MSRB3: variants seen among roughly 807,000 people sequenced by gnomAD.
The protein encoded by MSRB3 is methionine-R-sulfoxide reductase B3.
A neutral mutation model predicts 21.0 loss-of-function variants in MSRB3; 13 were observed. The ratio of observed to expected loss-of-function variants is 0.62; its 90% CI spans 0.40 to 0.98. MSRB3 has a LOEUF of 0.98. Ranked by LOEUF, MSRB3 falls within the 50% of genes least tolerant of loss-of-function variation. MSRB3 has a pLI of 0.00. For missense variants in MSRB3, 199 were observed against 230.3 expected (o/e 0.86, Z 0.88); for synonymous variants, 87 against 88.6 (o/e 0.98, Z 0.10).
chr12:65,279,043 G>A, intron 1 of MSRB3, 178 bp downstream of exon 1: 1 of 1,427,578 alleles, frequency 7.0e-7, no homozygotes, highest in Non-Finnish European at 9.1e-7. Flanking sequence ...TGCGCCCCGC[G>A]CCAGCGGTGA....
At chr12:65,377,461 G>A (rs546103155) in intron 5 of MSRB3, among the ~76,000 whole-genome samples, 12 of 151,914 alleles carry the variant, frequency 7.9e-5, no homozygotes, top group African/African-American at 2.9e-4. Flanking sequence ...AACCATGCCT[G>A]GCTAATTTTT....
intron 4 of MSRB3, among the ~76,000 whole-genome samples, chr12:65,334,614 T>C (rs982759007): frequency 6.6e-6 from 1 of 152,088 alleles, no homozygotes; most frequent in Non-Finnish European, 1.5e-5. Context: ...AGTTGAAAAG[T>C]GTCTCAATGT....
At chr12:65,407,608 A>G (rs1880484453) in intron 5 of MSRB3, among the ~76,000 whole-genome samples, 1 of 151,986 alleles carries the variant, frequency 6.6e-6, no homozygotes, top group African/African-American at 2.4e-5. Context: ...TAATTTTGGA[A>G]AATCCTCAGC....
chr12:65,441,013 T>C (rs1031449290), intron 5 of MSRB3, among the ~76,000 whole-genome samples: 4 of 151,916 alleles, frequency 2.6e-5, no homozygotes, highest in African/African-American at 9.7e-5. Context: ...GATTATATTA[T>C]GGGTATGCTT....
At chr12:65,456,695 A>G (rs371798996) in intron 6 of MSRB3, among the ~76,000 whole-genome samples, 1 of 152,248 alleles carries the variant, frequency 6.6e-6, no homozygotes, top group African/African-American at 2.4e-5. Flanking sequence ...TCTTTCTTAA[A>G]TAGAACTCTT....
chr12:65,448,083 T>G (rs1320585252), intron 5 of MSRB3, among the ~76,000 whole-genome samples: 1 of 152,168 alleles, frequency 6.6e-6, no homozygotes, highest in South Asian at 2.1e-4. Context: ...TTTTCAGCTC[T>G]TAGAATCTAT....
intron 5 of MSRB3, among the ~76,000 whole-genome samples, chr12:65,438,652 G>A (rs181102899): frequency 4.6e-5 from 7 of 152,012 alleles, no homozygotes; most frequent in African/African-American, 9.6e-5. Context: ...AGGAGAGGAA[G>A]GCAGAGTGGA....
At chr12:65,381,941 A>G (rs1878959988) in intron 5 of MSRB3, among the ~76,000 whole-genome samples, 1 of 152,056 alleles carries the variant, frequency 6.6e-6, no homozygotes, top group Non-Finnish European at 1.5e-5. Context: ...TAATTGATAT[A>G]TATTTAAGAT....
chr12:65,308,555 T>C lies in MSRB3; in HGVS notation c.-25T>C, dbSNP rs1452986676. On this transcript the variant is annotated 5_prime_UTR_variant, in exon 2 of 7. Transcript: ENST00000308259. ...TCTTGCCCCTGTTCTTTGCTTCTCGTTTTGTTGGTGAAGATATCACAGTGA... is the reference window on the plus strand; with the variant it reads ...TCTTGCCCCTGTTCTTTGCTTCTCGCTTTGTTGGTGAAGATATCACAGTGA... The C allele has an allele frequency of 3.7e-6, 6 of 1,613,752 alleles. No homozygotes were observed. Among genetic ancestry groups the C allele is most frequent in the South Asian group, 1.1e-5 (1 of 91,090 alleles).
chr12:65,403,316 G>T (rs2336713), intron 5 of MSRB3, among the ~76,000 whole-genome samples: 105,864 of 151,634 alleles, frequency 0.7, 37,317 homozygotes, highest in African/African-American at 0.78. Context: ...AGAGGAGGAA[G>T]CTAGACAGGT....
chr12:65,415,718 C>T (rs939083786), intron 5 of MSRB3, among the ~76,000 whole-genome samples: 8 of 152,162 alleles, frequency 5.3e-5, no homozygotes, highest in Non-Finnish European at 1.2e-4. Context: ...ACCATTGTGT[C>T]AAGGGTGTGA....
chr12:65,315,673 CAAA>C (rs3080853), intron 2 of MSRB3, among the ~76,000 whole-genome samples: 49 of 82,350 alleles, frequency 6.0e-4, no homozygotes, highest in African/African-American at 1.4e-3. Context: ...GTCTCCATCT[CAAA>C]AAAAAAAAAA....
intron 4 of MSRB3, among the ~76,000 whole-genome samples, chr12:65,341,050 G>T (rs1310679076): frequency 6.6e-6 from 1 of 151,954 alleles, no homozygotes; most frequent in Non-Finnish European, 1.5e-5. Context: ...CTGATAAAAA[G>T]ATATTCAATC....
intron 4 of MSRB3, among the ~76,000 whole-genome samples, chr12:65,334,548 ATC>A (rs1875638741): frequency 6.6e-6 from 1 of 152,098 alleles, no homozygotes; most frequent in South Asian, 2.1e-4. Context: ...ACACACACAC[ATC>A]TCTCAATTGT....
intron 1 of MSRB3, among the ~76,000 whole-genome samples, chr12:65,291,784 AAAG>A (rs1026006592): frequency 1.3e-5 from 2 of 152,208 alleles, no homozygotes; most frequent in African/African-American, 4.8e-5. Flanking sequence ...AGTTTAGGGC[AAAG>A]AAGAAGACCA....
At chr12:65,422,642 G>A (rs2136647000) in intron 5 of MSRB3, among the ~76,000 whole-genome samples, 1 of 151,294 alleles carries the variant, frequency 6.6e-6, no homozygotes, top group East Asian at 1.9e-4. Context: ...GTAGATGGCT[G>A]TGGGTAGTAT....
chr12:65,348,940 G>A (rs1011356585), intron 4 of MSRB3, among the ~76,000 whole-genome samples: 2 of 151,922 alleles, frequency 1.3e-5, no homozygotes, highest in Non-Finnish European at 2.9e-5. Flanking sequence ...TAAGTTTTAG[G>A]GTACATGTGC....
At chr12:65,327,761 A>T (rs920639611) in intron 3 of MSRB3, among the ~76,000 whole-genome samples, 1 of 152,212 alleles carries the variant, frequency 6.6e-6, no homozygotes, top group Non-Finnish European at 1.5e-5. Flanking sequence ...CACAGTATCT[A>T]CTGTTTACTG....
At chr12:65,450,658 T>A (rs561414470) in intron 5 of MSRB3, among the ~76,000 whole-genome samples, 43 of 152,306 alleles carry the variant, frequency 2.8e-4, no homozygotes, top group Non-Finnish European at 5.0e-4. Flanking sequence ...GGAGGATGGA[T>A]GATCTTTCTT....
Sources: gnomAD v4.1 joint callset for allele counts (sites outside exome capture counted in the v4.1 genomes callset) on GRCh38, gnomAD v4.1.1 for gene constraint, MANE v1.5 for transcripts, NCBI Gene and HGNC (gene_info 2026-07-23, HGNC 2026-07-21) for gene names.